Variants in HTR2A observed in about 807,000 individuals in gnomAD.
HTR2A encodes the protein 5-HT2 receptor.
HTR2A carries 14 observed loss-of-function variants against 31.0 expected under a neutral mutation model. The ratio of observed to expected loss-of-function variants is 0.45; its 90% CI spans 0.30 to 0.71. The LOEUF is 0.71. Ranked by LOEUF, HTR2A falls within the 30% of genes least tolerant of loss-of-function variation. HTR2A has a pLI of 0.09. For synonymous variants in HTR2A, 209 were observed against 225.2 expected, an observed-to-expected ratio of 0.93 and a Z score of 0.64; for missense variants, 442 against 573.3, an observed-to-expected ratio of 0.77 and a Z score of 2.34.
chr13:46,868,520 A>C (rs1034429374), intron 3 of HTR2A, among the ~76,000 whole-genome samples: 14 of 152,206 alleles, frequency 9.2e-5, no homozygotes, highest in African/African-American at 3.1e-4. Context: ...ATCATTGCTA[A>C]ATTTTTTTTC....
intron 3 of HTR2A, among the ~76,000 whole-genome samples, chr13:46,864,102 T>C (rs796280636): frequency 2.0e-5 from 3 of 152,270 alleles, no homozygotes; most frequent in African/African-American, 4.8e-5. Context: ...AATGAGATCA[T>C]GTCCTTTGCA....
At chr13:46,864,251 G>A (rs990326032) in intron 3 of HTR2A, among the ~76,000 whole-genome samples, 2 of 152,234 alleles carry the variant, frequency 1.3e-5, no homozygotes, top group Middle Eastern at 3.4e-3. Flanking sequence ...CTGTTGGAGG[G>A]TGGGGCCTGG....
chr13:46,837,997 C>T (rs1950573394), intron 3 of HTR2A, among the ~76,000 whole-genome samples: 1 of 152,204 alleles, frequency 6.6e-6, no homozygotes, highest in African/African-American at 2.4e-5. Flanking sequence ...CCATTGTTTG[C>T]AACATTCAAG....
chr13:46,849,306 C>T (rs1950664768), intron 3 of HTR2A, among the ~76,000 whole-genome samples: 1 of 152,184 alleles, frequency 6.6e-6, no homozygotes, highest in Non-Finnish European at 1.5e-5. Context: ...TTCTCCACTG[C>T]CATCTCTGTA....
Position 46,895,267 on chromosome 13 carries a change from C to A in HTR2A, c.412+228G>T. The A allele has an allele frequency of 2.1e-6, 1 of 473,904 alleles. No homozygotes were observed. The highest frequency in any genetic ancestry group is 3.5e-5 in the South Asian group (1 of 28,770). 29.4% of individuals were successfully genotyped at this position (473,904 alleles called of 1,614,324 possible). A position where few individuals can be genotyped will look rare whatever the true frequency, so the allele number is the denominator to read the frequency against. ...TGATCATTTTTACACAGGATGTACG[C>A]GTTTTGAAGCACAAAACTCTCCAGT... On this transcript the variant is annotated intron_variant, in intron 2 of 3. Coordinates refer to ENST00000542664, the MANE Select transcript of HTR2A (RefSeq NM_000621.5). This position sits in a 1 kb window ranked among gnomAD's most constrained non-coding sequence, Gnocchi z 4.4.
At chr13:46,859,773 A>G (rs1950766505) in intron 3 of HTR2A, among the ~76,000 whole-genome samples, 1 of 152,140 alleles carries the variant, frequency 6.6e-6, no homozygotes, top group Non-Finnish European at 1.5e-5. Flanking sequence ...GCTTTTCTTT[A>G]TAAATTACCC....
chr13:46,863,410 C>T (rs1928041), intron 3 of HTR2A, among the ~76,000 whole-genome samples: 5,566 of 151,830 alleles, frequency 0.037, 333 homozygotes, highest in African/African-American at 0.13. Context: ...ATTGCTTGAG[C>T]CCAGGAGTTC....
chr13:46,874,277 T>C (rs539509035), intron 3 of HTR2A, among the ~76,000 whole-genome samples: 41 of 152,254 alleles, frequency 2.7e-4, no homozygotes, highest in African/African-American at 9.1e-4. Flanking sequence ...CTAAACTCAT[T>C]TGCTATACTT....
At position 46,832,115 on chromosome 13, in the gene HTR2A, C is replaced by G. The variant is rs1876267023; in HGVS notation, c.*2722G>C. On this transcript the variant is annotated 3_prime_UTR_variant, in exon 4 of 4. Coordinates refer to ENST00000542664, the MANE Select transcript of HTR2A (RefSeq NM_000621.5). ...TGTGGACCATTGTTTTCGCCATCCTCATAGACTTGTCTTAAAGTTCTTCCA... is the reference window on the plus strand; with the variant it reads ...TGTGGACCATTGTTTTCGCCATCCTGATAGACTTGTCTTAAAGTTCTTCCA... The G allele has an allele frequency of 6.6e-6, 1 of 152,224 alleles. No individual in the cohort carries two copies. The highest frequency in any genetic ancestry group is 2.4e-5 in the African/African-American group (1 of 41,454). 9.4% of individuals were successfully genotyped at this position (152,224 alleles called of 1,614,324 possible). A position where few individuals can be genotyped will look rare whatever the true frequency, so the allele number is the denominator to read the frequency against.
intron 3 of HTR2A, among the ~76,000 whole-genome samples, chr13:46,890,713 T>C (rs1951046220): frequency 6.6e-6 from 1 of 152,196 alleles, no homozygotes; most frequent in Non-Finnish European, 1.5e-5. Flanking sequence ...GTCTCACCAA[T>C]GGCACAGTAT....
chr13:46,895,940 G>T lies in HTR2A; in HGVS notation c.-34C>A. The T allele has an allele frequency of 6.3e-7, 1 of 1,576,494 alleles. No homozygotes were observed. ...CAGAACTTGTAGCAGATGAGGTGTA[G>T]AAGGACTAACAGGTTATAGTTTCTG... On this transcript the variant is annotated 5_prime_UTR_variant, in exon 2 of 4. Transcript: ENST00000542664. The surrounding 1 kb of genome is among the most constrained non-coding windows in gnomAD (Gnocchi z 4.4).
At chr13:46,891,847 G>A (rs1208782413) in intron 3 of HTR2A, among the ~76,000 whole-genome samples, 2 of 152,176 alleles carry the variant, frequency 1.3e-5, no homozygotes, top group African/African-American at 4.8e-5. Context: ...AAATCCTTTG[G>A]TGTGTGGTAT....
intron 3 of HTR2A, among the ~76,000 whole-genome samples, chr13:46,882,616 T>C (rs1280135977): frequency 1.3e-5 from 2 of 152,052 alleles, no homozygotes; most frequent in Non-Finnish European, 2.9e-5. Flanking sequence ...TAAATCCATG[T>C]GGAAAAAAAC....
intron 3 of HTR2A, among the ~76,000 whole-genome samples, chr13:46,892,090 A>G (rs1951057812): frequency 6.6e-6 from 1 of 152,260 alleles, no homozygotes; most frequent in South Asian, 2.1e-4. Flanking sequence ...CCCAAGAATT[A>G]GAGTCGTGGA....
At chr13:46,884,361 CAACTT>C (rs1202187770) in intron 3 of HTR2A, among the ~76,000 whole-genome samples, 1 of 152,196 alleles carries the variant, frequency 6.6e-6, no homozygotes, top group Non-Finnish European at 1.5e-5. Context: ...ACTGTAGTCT[CAACTT>C]AATATTTTTA....
rs766231162 is a variant in HTR2A at position 46,892,377 on chromosome 13, T to C, written c.613+13A>G. On this transcript the variant is annotated intron_variant, in intron 3 of 3. Transcript: ENST00000542664. ...TCATTTCAAATGAGACTCTGAAATATGTTGCCACTTACCTACTGATATGGT... is the reference window on the plus strand; with the variant it reads ...TCATTTCAAATGAGACTCTGAAATACGTTGCCACTTACCTACTGATATGGT... 9 of 1,610,534 alleles carry C rather than the reference T, an allele frequency of 5.6e-6. No individual in the cohort carries two copies. The highest frequency in any genetic ancestry group is 3.3e-5 in the South Asian group (3 of 90,996).
chr13:46,845,201 A>G (rs929748115), intron 3 of HTR2A, among the ~76,000 whole-genome samples: 3 of 152,170 alleles, frequency 2.0e-5, no homozygotes, highest in African/African-American at 7.2e-5. Context: ...ATCGAGAGGC[A>G]AAATAGATGA....
chr13:46,879,971 C>A (rs1358882719), intron 3 of HTR2A, among the ~76,000 whole-genome samples: 1 of 151,838 alleles, frequency 6.6e-6, no homozygotes, highest in Non-Finnish European at 1.5e-5. Flanking sequence ...CACCCCTGCA[C>A]TCCAGCCTAG....
intron 3 of HTR2A, among the ~76,000 whole-genome samples, chr13:46,887,722 G>C (rs1951018572): frequency 6.6e-6 from 1 of 152,194 alleles, no homozygotes; most frequent in South Asian, 2.1e-4. Context: ...GTCTTAGGCA[G>C]ATTAGAAGTA....
Sources: allele counts gnomAD v4.1 joint callset (sites outside exome capture counted in the v4.1 genomes callset), GRCh38; gene constraint gnomAD v4.1.1; non-coding constraint Gnocchi (gnomAD v3.1); transcripts MANE v1.5; gene names NCBI Gene and HGNC (gene_info 2026-07-23, HGNC 2026-07-21).